RALA: variants seen among roughly 807,000 people sequenced by gnomAD.
The protein encoded by RALA is RAS like proto-oncogene A.
RALA carries 5 observed loss-of-function variants against 24.0 expected under a neutral mutation model. The ratio of observed to expected loss-of-function variants is 0.21; its 90% CI spans 0.11 to 0.44. The LOEUF is 0.44. Ranked by LOEUF, RALA falls within the 20% of genes least tolerant of loss-of-function variation. The pLI is 0.99. For synonymous variants in RALA, 77 were observed against 83.8 expected (o/e 0.92, Z 0.44); for missense variants, 95 against 241.2 (o/e 0.39, Z 4.01).
intron 1 of RALA, among the ~76,000 whole-genome samples, chr7:39,641,385 A>G (rs1023136710): frequency 3.3e-5 from 5 of 152,214 alleles, no homozygotes; most frequent in Non-Finnish European, 1.5e-5. Flanking sequence ...AACATTCCAC[A>G]TACATCTTCC....
intron 1 of RALA, among the ~76,000 whole-genome samples, chr7:39,680,712 A>C (rs778818033): frequency 2.6e-5 from 4 of 151,734 alleles, no homozygotes; most frequent in Non-Finnish European, 5.9e-5. Flanking sequence ...TCCAACTTTT[A>C]TTTTTTTCCA....
At chr7:39,632,632 A>G (rs1791617434) in intron 1 of RALA, among the ~76,000 whole-genome samples, 2 of 152,154 alleles carry the variant, frequency 1.3e-5, no homozygotes, top group African/African-American at 4.8e-5. Flanking sequence ...AGGTCGAGTA[A>G]GATGGTGAAA....
At chr7:39,639,397 C>A (rs1791741323) in intron 1 of RALA, among the ~76,000 whole-genome samples, 1 of 152,082 alleles carries the variant, frequency 6.6e-6, no homozygotes, top group Non-Finnish European at 1.5e-5. Flanking sequence ...TTTCTGCCAC[C>A]ACAGTTAAAA....
rs139736997 is a variant in RALA at position 39,697,220 on chromosome 7, T to C, written c.498+361T>C. On this transcript the variant is annotated intron_variant, in intron 4 of 4. Coordinates refer to ENST00000005257, the MANE Select transcript of RALA (RefSeq NM_005402.4). ...CCGTTCTTACCTCTGACCTGACATC[T>C]ACCCAACCCCACTTAAGTTCTTAAA... is the stretch of plus-strand genomic sequence containing the variant. 7.9e-5 allele frequency among the ~76,000 whole-genome samples: 12 copies of C among 152,324 alleles called. 1 individual carries two copies. In the East Asian group the frequency reaches 2.1e-3, roughly 27 times the overall value.
chr7:39,702,867 A>AG (rs1240353464), intron 4 of RALA: 3 of 152,224 alleles, frequency 2.0e-5, no homozygotes, highest in Non-Finnish European at 2.9e-5. Context: ...TGGGAGGGAT[A>AG]GGTAGAGATT....
intron 4 of RALA, among the ~76,000 whole-genome samples, chr7:39,705,141 C>T (rs757284563): frequency 1.3e-4 from 20 of 152,066 alleles, no homozygotes; most frequent in Non-Finnish European, 2.8e-4. Context: ...TGTGCAAGGG[C>T]GAACAAATCC....
chr7:39,643,502 C>A (rs1257503818), intron 1 of RALA, among the ~76,000 whole-genome samples: 1 of 152,158 alleles, frequency 6.6e-6, no homozygotes, highest in African/African-American at 2.4e-5. Context: ...AGGCGGATCA[C>A]TTGAGGTCAG....
chr7:39,630,129 AGCCTCCAAGACTCAAGTGATCTTCCCAC>A (rs1440966803), intron 1 of RALA, among the ~76,000 whole-genome samples: 15 of 151,366 alleles, frequency 9.9e-5, no homozygotes, highest in Admixed American at 3.3e-4. Context: ...CTGCAGCCTC[AGCCTCCAAGACTCAAGTGATCTTCCCAC>A]CTCAGCCTCC....
intron 2 of RALA, among the ~76,000 whole-genome samples, 200 bp from the exon 3 acceptor site, chr7:39,690,182 C>T (rs536704284): frequency 6.6e-6 from 1 of 151,884 alleles, no homozygotes. Context: ...TAACTCAGCC[C>T]TCTCTGTTTG....
In RALA at chr7:39,654,174, T is replaced by A. The variant is rs529400371; in HGVS notation, c.-38+30349T>A. Among the ~76,000 whole-genome samples the A allele has an allele frequency of 1.2e-4, 18 of 152,364 alleles. No individual in the cohort carries two copies. The South Asian group carries it at 3.7e-3, about 32-fold the overall frequency. On this transcript the variant is annotated intron_variant, in intron 1 of 4. Coordinates refer to ENST00000005257, the MANE Select transcript of RALA (RefSeq NM_005402.4). Reference sequence around the variant, plus strand: ...AAAAATGTTTTAATTGAAAACATTTTTATTGAATTGTATGAATCAAGAACA... The same window carrying A: ...AAAAATGTTTTAATTGAAAACATTTATATTGAATTGTATGAATCAAGAACA...
At chr7:39,700,287 TAC>T (rs1793002316) in intron 4 of RALA, 2 of 152,278 alleles carry the variant, frequency 1.3e-5, no homozygotes, top group Admixed American at 6.5e-5. Flanking sequence ...GGCTCTGCTC[TAC>T]AGTGTCTGCT....
At chr7:39,693,497 A>T (rs1175582501) in intron 3 of RALA, among the ~76,000 whole-genome samples, 1 of 152,210 alleles carries the variant, frequency 6.6e-6, no homozygotes, top group Admixed American at 6.5e-5. Context: ...CAGCAAACCA[A>T]CATGGCACAT....
chr7:39,686,401 A>G (rs1453941207), intron 1 of RALA, among the ~76,000 whole-genome samples: 1 of 152,194 alleles, frequency 6.6e-6, no homozygotes, highest in Non-Finnish European at 1.5e-5. Flanking sequence ...CTGAAACCCA[A>G]CTATTTTAAG....
intron 1 of RALA, among the ~76,000 whole-genome samples, chr7:39,644,940 A>T (rs1313509264): frequency 6.6e-6 from 1 of 152,234 alleles, no homozygotes; most frequent in African/African-American, 2.4e-5. Flanking sequence ...GTTGTGCAGT[A>T]TACAATACAT....
chr7:39,683,840 A>AACACACACACACAC (rs71964842), intron 1 of RALA, among the ~76,000 whole-genome samples: 7 of 147,954 alleles, frequency 4.7e-5, no homozygotes, highest in African/African-American at 1.7e-4. Flanking sequence ...TTTTCTTTTG[A>AACACACACACACAC]ACACACACAC....
intron 1 of RALA, among the ~76,000 whole-genome samples, chr7:39,670,527 T>G (rs1050483062): frequency 1.6e-4 from 24 of 152,234 alleles, no homozygotes; most frequent in African/African-American, 5.5e-4. Context: ...TCCAAATATG[T>G]AATACATTCA....
chr7:39,655,943 A>C (rs926161672), intron 1 of RALA, among the ~76,000 whole-genome samples: 1 of 152,194 alleles, frequency 6.6e-6, no homozygotes, highest in Non-Finnish European at 1.5e-5. Context: ...CCTATGAGCA[A>C]TGTGGAGTCT....
At chr7:39,632,196 G>A (rs1791608370) in intron 1 of RALA, among the ~76,000 whole-genome samples, 2 of 152,222 alleles carry the variant, frequency 1.3e-5, no homozygotes, top group Admixed American at 6.5e-5. Flanking sequence ...AAACTTGGAA[G>A]AGACACACAT....
At chr7:39,627,590 G>A (rs1301825614) in intron 1 of RALA, among the ~76,000 whole-genome samples, 2 of 152,218 alleles carry the variant, frequency 1.3e-5, no homozygotes, top group African/African-American at 4.8e-5. Flanking sequence ...TTATTGGGAA[G>A]GTGGGCAAAG....
Sources: gnomAD v4.1 joint callset for allele counts (sites outside exome capture counted in the v4.1 genomes callset) on GRCh38, gnomAD v4.1.1 for gene constraint, MANE v1.5 for transcripts, NCBI Gene and HGNC (gene_info 2026-07-23, HGNC 2026-07-21) for gene names.